Variants in ASZ1 observed in about 807,000 individuals in gnomAD.
ASZ1 encodes ankyrin repeat, SAM and basic leucine zipper domain containing 1.
In ASZ1, 67 loss-of-function variants were observed where a neutral mutation model predicts 61.8. The ratio of observed to expected loss-of-function variants is 1.08; its 90% CI spans 0.89 to 1.33. ASZ1 has a LOEUF of 1.33. ASZ1 is among the 40% of genes most tolerant of loss of function. ASZ1 has a pLI of 0.00. For synonymous variants in ASZ1, 193 were observed against 192.7 expected (o/e 1.00, Z -0.01); for missense variants, 577 against 554.5 (o/e 1.04, Z -0.41).
intron 4 of ASZ1, among the ~76,000 whole-genome samples, chr7:117,406,787 A>G (rs1796791888): frequency 6.6e-6 from 1 of 152,018 alleles, no homozygotes; most frequent in African/African-American, 2.4e-5. Flanking sequence ...TTCAAAATAT[A>G]TGACAACAAT....
intron 4 of ASZ1, among the ~76,000 whole-genome samples, chr7:117,404,598 C>A (rs1057411313): frequency 7.9e-5 from 12 of 152,214 alleles, no homozygotes; most frequent in Admixed American, 2.0e-4. Flanking sequence ...CTGCAGAATT[C>A]TCTTTTATTC....
Position 117,426,529 on chromosome 7 carries a change from GAAAC to G in ASZ1, c.205+303_205+306del, listed in dbSNP as rs1341924249. Among the ~76,000 whole-genome samples the G allele has an allele frequency of 5.4e-5, 7 of 130,394 alleles. No homozygotes were observed. The East Asian group carries it at 1.1e-3, about 21-fold the overall frequency. 85.5% of individuals were successfully genotyped at this position (130,394 alleles called of 152,430 possible). A position where few individuals can be genotyped will look rare whatever the true frequency, so the allele number is the denominator to read the frequency against. On this transcript the variant is annotated intron_variant, in intron 2 of 12. Coordinates refer to ENST00000284629, the MANE Select transcript of ASZ1 (RefSeq NM_130768.3). ...AAAAAAAGAAAAAGAAAAGAAAAAAGAAACAACATTACAGCAGAGTAAATGAAGA... is the reference window on the plus strand; with the variant it reads ...AAAAAAAGAAAAAGAAAAGAAAAAAGAACATTACAGCAGAGTAAATGAAGA...
chr7:117,363,739 C>G lies in ASZ1; in HGVS notation c.1285G>C (p.Glu429Gln). The change falls in exon 13 of 13, where the codon GAA becomes CAA. Residue 429 changes from glutamate (E) to glutamine (Q), a missense_variant. Physicochemically the swap from Glu to Gln is conservative, Grantham distance 29. Transcript: ENST00000284629. ...LKDLIQKLQN[E>Q]RENDPTHIQL... Reference sequence around the variant, plus strand: ...ATATGAGTTGGATCATTTTCCCGTTCATTTTGCAACTAATATTTAGTATGG... The same window carrying G: ...ATATGAGTTGGATCATTTTCCCGTTGATTTTGCAACTAATATTTAGTATGG... The G allele has an allele frequency of 1.3e-6, 2 of 1,569,352 alleles. No individual in the cohort carries two copies. Among genetic ancestry groups the G allele is most frequent in the Non-Finnish European group, 1.7e-6 (2 of 1,158,492 alleles).
At chr7:117,403,661 A>G (rs1452695026) in intron 4 of ASZ1, among the ~76,000 whole-genome samples, 3 of 151,870 alleles carry the variant, frequency 2.0e-5, no homozygotes, top group East Asian at 3.9e-4. Flanking sequence ...ATTCCCCATC[A>G]CCCTTTACTA....
At chr7:117,372,332 A>G (rs1796064428) in intron 10 of ASZ1, among the ~76,000 whole-genome samples, 1 of 152,144 alleles carries the variant, frequency 6.6e-6, no homozygotes, top group Non-Finnish European at 1.5e-5. Context: ...CAAATAAAAT[A>G]TGATTGGAAG....
chr7:117,427,237 C>T (rs998361449), intron 1 of ASZ1, 119 bp downstream of exon 1: 51 of 1,194,512 alleles, frequency 4.3e-5, no homozygotes, highest in Admixed American at 1.4e-4. Flanking sequence ...CCCGTATTTC[C>T]ACTGGGTAAA....
At chr7:117,425,259 CTTTTTTTTTTTTT>C (rs71148368) in intron 2 of ASZ1, among the ~76,000 whole-genome samples, 17 of 93,858 alleles carry the variant, frequency 1.8e-4, no homozygotes, top group Non-Finnish European at 2.8e-4. Flanking sequence ...TGAGTAATTT[CTTTTTTTTTTTTT>C]TTTTTTTTTT....
At position 117,385,677 on chromosome 7, in the gene ASZ1, C is replaced by T. The variant is rs771036618; in HGVS notation, c.552+21G>A. Reference sequence around the variant, plus strand: ...TGATAATAACAGAAACAAAAAGAAACATTGTAAAAATGTTTCTCACAGTGT... The same window carrying T: ...TGATAATAACAGAAACAAAAAGAAATATTGTAAAAATGTTTCTCACAGTGT... On this transcript the variant is annotated intron_variant, in intron 5 of 12. Transcript: ENST00000284629. The T allele has an allele frequency of 3.3e-6, 5 of 1,536,274 alleles. No individual in the cohort carries two copies. In the South Asian group the frequency reaches 4.6e-5, roughly 14 times the overall value.
rs1325030176 is a variant in ASZ1, at chr7:117,375,605, G to A, written c.1055+4333C>T. On this transcript the variant is annotated intron_variant, in intron 10 of 12. Coordinates refer to ENST00000284629, the MANE Select transcript of ASZ1 (RefSeq NM_130768.3). ...TAGCCACCAGTCACATGTAGCTACC[G>A]AACCCTTGAAATCATACAGTGTATA... Among the ~76,000 whole-genome samples, 6 of 152,020 alleles carry A rather than the reference G, an allele frequency of 3.9e-5. No individual in the cohort carries two copies. In the South Asian group the frequency reaches 8.3e-4, roughly 21 times the overall value.
chr7:117,419,576 AATAGAAG>A (rs1304973387), intron 4 of ASZ1, among the ~76,000 whole-genome samples: 1 of 152,214 alleles, frequency 6.6e-6, no homozygotes, highest in African/African-American at 2.4e-5. Flanking sequence ...AGGAAGATGA[AATAGAAG>A]ATAGAGTCAG....
intron 4 of ASZ1, among the ~76,000 whole-genome samples, chr7:117,398,864 C>T (rs1482784033): frequency 1.3e-5 from 2 of 152,174 alleles, no homozygotes; most frequent in Admixed American, 1.3e-4. Flanking sequence ...TCCACTTGCA[C>T]GTGCACCTAC....
At chr7:117,368,251 T>G (rs1795981362) in intron 11 of ASZ1, 2 of 977,696 alleles carry the variant, frequency 2.0e-6, no homozygotes, top group Middle Eastern at 5.2e-4. Context: ...TATTCTAAAT[T>G]TATTTAAAAA....
In ASZ1 at chr7:117,365,524, AG is replaced by A. The variant is rs769200991; in HGVS notation, c.1276-1777del. 7.9e-5 allele frequency among the ~76,000 whole-genome samples: 12 copies of A among 152,292 alleles called. No individual in the cohort carries two copies. The East Asian group carries it at 2.3e-3, about 29-fold the overall frequency. ...CCCCCATGTTTTTAGTTCATCTTGG[AG>A]AAACCAAATTAGTAAATAACCCTGA... On this transcript the variant is annotated intron_variant, in intron 12 of 12. Transcript: ENST00000284629.
At chr7:117,382,719 T>C (rs900639512) in intron 7 of ASZ1, among the ~76,000 whole-genome samples, 1 of 152,110 alleles carries the variant, frequency 6.6e-6, no homozygotes, top group Admixed American at 6.6e-5. Context: ...TGAACACTAA[T>C]ATAATTTCAG....
In ASZ1 at chr7:117,383,042, GTCT is replaced by G. The variant is rs1448197179; in HGVS notation, c.753_755del (p.Glu251del). On this transcript the variant is annotated inframe_deletion, in exon 7 of 13. Coordinates refer to ENST00000284629, the MANE Select transcript of ASZ1 (RefSeq NM_130768.3). ...CTGTTGTCAATATTTTACAAATAGT[GTCT>G]TCTTTAGTTAGCTGTTGAAGTTTTC... 1.3e-6 allele frequency: 2 copies of G among 1,587,378 alleles called. No homozygotes were observed. Among genetic ancestry groups the G allele is most frequent in the Non-Finnish European group, 1.7e-6 (2 of 1,168,830 alleles).
At position 117,384,876 on chromosome 7, in the gene ASZ1, AAAG is replaced by A; in HGVS notation, c.553-19_553-17del. ...ACGTTAAAGCCTGTAAGTAGGGGGA[AAAG>A]AAGATTGTTTAAAGAGAAGGAGTGT... On this transcript the variant is annotated splice_polypyrimidine_tract_variant and intron_variant, in intron 5 of 12. Coordinates refer to ENST00000284629, the MANE Select transcript of ASZ1 (RefSeq NM_130768.3). 1 of 1,551,284 alleles carries A rather than the reference AAAG, an allele frequency of 6.4e-7. No homozygotes were observed. Among genetic ancestry groups the A allele is most frequent in the Non-Finnish European group, 8.6e-7 (1 of 1,156,478 alleles).
intron 4 of ASZ1, among the ~76,000 whole-genome samples, chr7:117,390,600 G>C (rs1199334309): frequency 6.6e-6 from 1 of 152,158 alleles, no homozygotes; most frequent in African/African-American, 2.4e-5. Context: ...TTAGTTCTTT[G>C]AGAAATCTCC....
chr7:117,427,402 C>G lies in ASZ1; in HGVS notation c.59G>C (p.Ser20Thr), dbSNP rs368345695. Residue 20 changes from serine to threonine, a missense_variant, in exon 1 of 13, where the codon AGC (serine) becomes ACC (threonine). Transcript: ENST00000284629. ...PVAGGGESSE[S>T]EDDGWEIGYL... ...CCCAATCTCCCAGCCATCATCCTCG[C>G]TCTCGCTACTCTCGCCTCCGCCAGC... 4 of 1,614,170 alleles carry G rather than the reference C, an allele frequency of 2.5e-6. No homozygotes were observed. The highest frequency in any genetic ancestry group is 2.2e-5 in the East Asian group (1 of 44,880).
intron 4 of ASZ1, among the ~76,000 whole-genome samples, chr7:117,409,275 G>GT (rs1466284511): frequency 6.6e-6 from 1 of 151,950 alleles, no homozygotes; most frequent in African/African-American, 2.4e-5. Flanking sequence ...GTGAACCACA[G>GT]TTTTGATATG....
Sources: allele counts gnomAD v4.1 joint callset (sites outside exome capture counted in the v4.1 genomes callset), GRCh38; gene constraint gnomAD v4.1.1; transcripts MANE v1.5; gene names NCBI Gene and HGNC (gene_info 2026-07-23, HGNC 2026-07-21).